The following PATJ variants were observed in gnomAD, a reference collection of about 807,000 sequenced individuals.
PATJ encodes inaD-like protein.
PATJ carries 190 observed loss-of-function variants against 224.9 expected under a neutral mutation model. The ratio of observed to expected loss-of-function variants is 0.84; its 90% CI spans 0.75 to 0.95. The LOEUF is 0.95. Ranked by LOEUF, PATJ falls within the 40% of genes least tolerant of loss-of-function variation. The pLI is 0.00. For synonymous variants in PATJ, 769 were observed against 820.3 expected, an observed-to-expected ratio of 0.94 and a Z score of 1.07; for missense variants, 2,121 against 2,270.3, an observed-to-expected ratio of 0.93 and a Z score of 1.34.
intron 30 of PATJ, among the ~76,000 whole-genome samples, chr1:62,040,942 T>TAACAAAC (rs1651373610): frequency 6.6e-6 from 1 of 152,230 alleles, no homozygotes; most frequent in Admixed American, 6.5e-5. Context: ...TTTAATGACA[T>TAACAAAC]ATGTGTTTCT....
chr1:61,927,681 G>A, intron 26 of PATJ, 49 bp from the exon 27 acceptor site: 1 of 1,130,354 alleles, frequency 8.8e-7, no homozygotes, highest in African/African-American at 1.6e-5. Context: ...TGAAGAAAGA[G>A]CATTGTACAA....
chr1:62,153,169 T>C (rs1370114468), intron 42 of PATJ, among the ~76,000 whole-genome samples, 189 bp from the exon 43 acceptor site: 1 of 152,180 alleles, frequency 6.6e-6, no homozygotes, highest in Non-Finnish European at 1.5e-5. Flanking sequence ...AGAATATTGG[T>C]GATTAATTAG....
chr1:61,837,086 C>T (rs934568113), intron 17 of PATJ, among the ~76,000 whole-genome samples: 26 of 152,180 alleles, frequency 1.7e-4, no homozygotes, highest in African/African-American at 5.8e-4. Flanking sequence ...AACAAAATTA[C>T]ATTAATCTAT....
At position 61,801,606 on chromosome 1, in the gene PATJ, A is replaced by ATT; in HGVS notation, c.1403-9_1403-8dup. ...AGCATTAACAAAATTTTAAAAAATT[A>ATT]TTTTTTTTTGTTTTAGGAACTGTTG... is the stretch of plus-strand genomic sequence containing the variant. On this transcript the variant is annotated splice_polypyrimidine_tract_variant and intron_variant, in intron 11 of 43. Coordinates refer to ENST00000642238, the MANE Select transcript of PATJ (RefSeq NM_001350145.3). 3 of 1,423,148 alleles carry ATT rather than the reference A, an allele frequency of 2.1e-6. No individual in the cohort carries two copies. Among genetic ancestry groups the ATT allele is most frequent in the East Asian group, 2.5e-5 (1 of 40,110 alleles). The allele number at this position is 1,423,148 out of a possible 1,614,324, so 88.2% of individuals were successfully genotyped here. A position where few individuals can be genotyped will look rare whatever the true frequency, so the allele number is the denominator to read the frequency against.
At chr1:61,789,633 T>C (rs1028602569) in intron 8 of PATJ, among the ~76,000 whole-genome samples, 1 of 151,814 alleles carries the variant, frequency 6.6e-6, no homozygotes, top group Non-Finnish European at 1.5e-5. Context: ...GCCAACATGG[T>C]GAAACCTGAC....
Position 62,161,327 on chromosome 1 carries a change from ATTTCTTTTT to A in PATJ, c.*277_*285del. On this transcript the variant is annotated 3_prime_UTR_variant, in exon 44 of 44. Coordinates refer to ENST00000642238, the MANE Select transcript of PATJ (RefSeq NM_001350145.3). ...TTTTGCATTTAATTTCAGTGTTCCGATTTCTTTTTTTTTTTTTTTTTTTTTTTTTGAGAC... is the reference window on the plus strand; with the variant it reads ...TTTTGCATTTAATTTCAGTGTTCCGATTTTTTTTTTTTTTTTTTTTGAGAC... 1 of 133,638 alleles carries A rather than the reference ATTTCTTTTT, an allele frequency of 7.5e-6. No homozygotes were observed. Among genetic ancestry groups the A allele is most frequent in the African/African-American group, 3.8e-5 (1 of 26,322 alleles). The allele number at this position is 133,638 out of a possible 1,614,324, so 8.3% of individuals were successfully genotyped here.
intron 27 of PATJ, among the ~76,000 whole-genome samples, chr1:61,945,233 C>T (rs1001020606): frequency 2.6e-5 from 4 of 152,096 alleles, no homozygotes; most frequent in African/African-American, 7.2e-5. Context: ...ACAATATTAA[C>T]CTTAAATGTA....
At position 61,845,890 on chromosome 1, in the gene PATJ, G is replaced by C. The variant is rs532134346; in HGVS notation, c.2113-10140G>C. On this transcript the variant is annotated intron_variant, in intron 17 of 43. Coordinates refer to ENST00000642238, the MANE Select transcript of PATJ (RefSeq NM_001350145.3). Reference sequence around the variant, plus strand: ...GAGCCTTTCTTTATGCATTCAAGAGGTTATAGATCTGCATATCTGGAGGGC... The same window carrying C: ...GAGCCTTTCTTTATGCATTCAAGAGCTTATAGATCTGCATATCTGGAGGGC... Among the ~76,000 whole-genome samples, 22 of 152,252 alleles carry C rather than the reference G, an allele frequency of 1.4e-4. No homozygotes were observed. The South Asian group carries it at 2.3e-3, about 16-fold the overall frequency.
At chr1:62,133,541 A>G (rs1006851108) in intron 41 of PATJ, among the ~76,000 whole-genome samples, 5 of 152,166 alleles carry the variant, frequency 3.3e-5, no homozygotes, top group African/African-American at 9.6e-5. Context: ...AGATTGCACC[A>G]CTGCTGTCCA....
At chr1:62,073,731 T>G (rs1041590359) in intron 31 of PATJ, among the ~76,000 whole-genome samples, 1 of 152,198 alleles carries the variant, frequency 6.6e-6, no homozygotes, top group Non-Finnish European at 1.5e-5. Context: ...GGTGCATACC[T>G]GTAGTCCCAG....
At chr1:61,814,519 A>AGTGTGTGT (rs67159092) in intron 14 of PATJ, among the ~76,000 whole-genome samples, 3,099 of 143,982 alleles carry the variant, frequency 0.022, 76 homozygotes, top group African/African-American at 0.055. Context: ...CCTTTTGTTT[A>AGTGTGTGT]GTGTGTGTGT....
intron 27 of PATJ, among the ~76,000 whole-genome samples, chr1:61,943,250 G>A (rs1268146371): frequency 6.6e-6 from 1 of 152,194 alleles, no homozygotes; most frequent in Non-Finnish European, 1.5e-5. Flanking sequence ...TCATCTCACA[G>A]GGGCTTGTCA....
intron 16 of PATJ, among the ~76,000 whole-genome samples, chr1:61,830,499 TAAAATTTTTCTAAATTTTAAG>T (rs1319498470): frequency 2.2e-4 from 33 of 152,198 alleles, no homozygotes; most frequent in African/African-American, 7.5e-4. Flanking sequence ...AAAACTATTC[TAAAATTTTTCTAAATTTTAAG>T]GAAATTTTTA....
intron 27 of PATJ, among the ~76,000 whole-genome samples, chr1:61,956,794 A>G (rs750277612): frequency 2.6e-5 from 4 of 152,228 alleles, no homozygotes; most frequent in Non-Finnish European, 4.4e-5. Flanking sequence ...AAGACATTGG[A>G]TTTGATTTAT....
intron 1 of PATJ, among the ~76,000 whole-genome samples, chr1:61,750,973 A>G (rs897966698): frequency 6.8e-6 from 1 of 147,016 alleles, no homozygotes; most frequent in Non-Finnish European, 1.5e-5. Context: ...TTTTCATAGT[A>G]TCCCTTTCCC....
intron 42 of PATJ, among the ~76,000 whole-genome samples, chr1:62,149,063 A>G (rs2666492): frequency 0.015 from 2,269 of 150,172 alleles, 36 homozygotes; most frequent in African/African-American, 0.044. Flanking sequence ...GGGAGGTGGA[A>G]GTTGCAGTGA....
At chr1:61,966,948 T>C (rs1300624948) in intron 27 of PATJ, among the ~76,000 whole-genome samples, 2 of 152,186 alleles carry the variant, frequency 1.3e-5, no homozygotes, top group Non-Finnish European at 1.5e-5. Context: ...TGGCGGGTTT[T>C]GGCCGGCTTC....
At chr1:61,764,365 G>A (rs1646144421) in intron 3 of PATJ, among the ~76,000 whole-genome samples, 1 of 151,376 alleles carries the variant, frequency 6.6e-6, no homozygotes, top group African/African-American at 2.4e-5. Context: ...CATCATTATT[G>A]AATAAGGGAC....
chr1:61,791,241 C>T (rs925170446), intron 8 of PATJ, 107 bp from the exon 9 acceptor site: 74 of 589,176 alleles, frequency 1.3e-4, no homozygotes, highest in African/African-American at 9.2e-4. Flanking sequence ...TAAAATTCTG[C>T]CTGCCATAGA....
Sources: allele counts gnomAD v4.1 joint callset (sites outside exome capture counted in the v4.1 genomes callset), GRCh38; gene constraint gnomAD v4.1.1; transcripts MANE v1.5; gene names NCBI Gene and HGNC (gene_info 2026-07-23, HGNC 2026-07-21).